Variants in KLHL2 observed in about 807,000 individuals in gnomAD.
KLHL2 encodes the protein kelch like family member 2.
Under a neutral mutation model 75.8 loss-of-function variants are expected in KLHL2, and 15 were observed. The observed-to-expected ratio is 0.20, with a 90% CI of 0.13 to 0.30. The LOEUF (loss-of-function observed/expected upper bound fraction) is 0.30, where lower values mean the gene tolerates loss of function less well. Among genes scored for constraint, KLHL2 ranks in the 10% least tolerant of loss-of-function variants. KLHL2 has a pLI of 1.00. For synonymous variants in KLHL2, 214 were observed against 251.9 expected (o/e 0.85, Z 1.42); for missense variants, 381 against 741.0 (o/e 0.51, Z 5.64).
chr4:165,291,450 C>T (rs1425856864), intron 5 of KLHL2, among the ~76,000 whole-genome samples: 2 of 152,090 alleles, frequency 1.3e-5, no homozygotes, highest in African/African-American at 4.8e-5. Flanking sequence ...CTTCTAGAAG[C>T]TAAATTTTGT....
intron 5 of KLHL2, among the ~76,000 whole-genome samples, chr4:165,263,610 T>G (rs1345353907): frequency 6.7e-6 from 1 of 149,390 alleles, no homozygotes. Flanking sequence ...GTTTTTTTGT[T>G]TTTTTTTTTT....
intron 5 of KLHL2, among the ~76,000 whole-genome samples, chr4:165,275,098 ATTTAT>A (rs201930063): frequency 0.22 from 32,716 of 146,560 alleles, 4,058 homozygotes; most frequent in Non-Finnish European, 0.29. Flanking sequence ...CTCCTGAAAG[ATTTAT>A]TTTATTTTAT....
chr4:165,299,440 T>C, intron 7 of KLHL2, 67 bp from the exon 8 acceptor site: 1 of 1,431,298 alleles, frequency 7.0e-7, no homozygotes, highest in South Asian at 1.5e-5. Flanking sequence ...CTTTACTTCT[T>C]TTTCTTTGGC....
intron 5 of KLHL2, among the ~76,000 whole-genome samples, chr4:165,277,631 C>T (rs1224749252): frequency 6.6e-6 from 1 of 152,104 alleles, no homozygotes; most frequent in Non-Finnish European, 1.5e-5. Context: ...ATGGAAGATT[C>T]CAATGGTGAG....
chr4:165,227,973 A>G (rs1738583935), intron 2 of KLHL2, among the ~76,000 whole-genome samples: 1 of 151,980 alleles, frequency 6.6e-6, no homozygotes, highest in South Asian at 2.1e-4. Context: ...TCTTGGCTGA[A>G]TGCAACCTCT....
intron 3 of KLHL2, among the ~76,000 whole-genome samples, chr4:165,236,434 C>G (rs1027203280): frequency 6.6e-5 from 10 of 152,122 alleles, no homozygotes; most frequent in Admixed American, 6.6e-4. Context: ...CCAGGCTAGT[C>G]TTGAACTCCT....
At chr4:165,313,041 T>C (rs1039325372) in intron 11 of KLHL2, among the ~76,000 whole-genome samples, 197 bp from the exon 12 acceptor site, 2 of 152,178 alleles carry the variant, frequency 1.3e-5, no homozygotes, top group African/African-American at 4.8e-5. Context: ...CTGCAGATCT[T>C]CATAACATGA....
intron 4 of KLHL2, among the ~76,000 whole-genome samples, chr4:165,254,445 C>CT (rs1740994429): frequency 6.6e-6 from 1 of 152,098 alleles, no homozygotes; most frequent in African/African-American, 2.4e-5. Flanking sequence ...ATTTTTTGGA[C>CT]TTTTTTCTCA....
intron 5 of KLHL2, chr4:165,279,787 C>G (rs1743516870): frequency 2.7e-6 from 2 of 732,132 alleles, no homozygotes; most frequent in Non-Finnish European, 5.0e-6. Context: ...GGCTGGCTAG[C>G]AGGCTACTGC....
At chr4:165,298,039 T>G (rs547930045) in intron 7 of KLHL2, among the ~76,000 whole-genome samples, 1 of 152,342 alleles carries the variant, frequency 6.6e-6, no homozygotes, top group South Asian at 2.1e-4. Flanking sequence ...GCCAGGCTGG[T>G]CTCGAACTCC....
In KLHL2 at chr4:165,318,158, A is replaced by G. The variant is rs144412357; in HGVS notation, c.1753+189A>G. Among the ~76,000 whole-genome samples, 146 of 152,360 alleles carry G rather than the reference A, an allele frequency of 9.6e-4. 1 individual carries two copies. The East Asian group carries it at 0.027, about 28-fold the overall frequency. ...AGCACCAGTATACTTTTGTCATTCT[A>G]CAGTCATTTGTATTCAAAATCCCAA... On this transcript the variant is annotated intron_variant, in intron 14 of 14. Transcript: ENST00000226725.
At chr4:165,208,647 G>A (rs751583444) in intron 1 of KLHL2, 3 of 151,628 alleles carry the variant, frequency 2.0e-5, no homozygotes, top group Non-Finnish European at 1.5e-5. Flanking sequence ...TCAGAACAAG[G>A]GTTTTTTTTT....
In KLHL2 at chr4:165,256,196, T is replaced by C. The variant is rs547133597; in HGVS notation, c.382-7001T>C. Among the ~76,000 whole-genome samples, 7 of 152,320 alleles carry C rather than the reference T, an allele frequency of 4.6e-5. No homozygotes were observed. The East Asian group carries it at 1.4e-3, about 29-fold the overall frequency. ...TTCTCATGCTCTACAGTGTCTTCTC[T>C]GATCAGTGGTGGCTTCTCCCCTCCG... is the stretch of plus-strand genomic sequence containing the variant. On this transcript the variant is annotated intron_variant, in intron 4 of 14. Transcript: ENST00000226725.
chr4:165,215,350 C>G, intron 1 of KLHL2, among the ~76,000 whole-genome samples: 1 of 152,152 alleles, frequency 6.6e-6, no homozygotes. Flanking sequence ...ATGGTTGACT[C>G]TGTACTTCTG....
rs1429136173 is a variant in KLHL2 at position 165,258,512 on chromosome 4, G to A, written c.382-4685G>A. On this transcript the variant is annotated intron_variant, in intron 4 of 14. Transcript: ENST00000226725. ...AAATTTCCATTAGATGGTGGCTGGGGGTTTATTGTATCAATGTAATTCTAC... is the reference window on the plus strand; with the variant it reads ...AAATTTCCATTAGATGGTGGCTGGGAGTTTATTGTATCAATGTAATTCTAC... Among the ~76,000 whole-genome samples, 4 of 152,056 alleles carry A rather than the reference G, an allele frequency of 2.6e-5. No homozygotes were observed. The East Asian group carries it at 7.7e-4, about 29-fold the overall frequency.
intron 4 of KLHL2, among the ~76,000 whole-genome samples, chr4:165,249,373 C>T (rs1740503168): frequency 6.6e-6 from 1 of 152,080 alleles, no homozygotes; most frequent in Non-Finnish European, 1.5e-5. Flanking sequence ...TTTACATTAT[C>T]CGGTGTGCAT....
At chr4:165,263,078 TG>T in intron 4 of KLHL2, 118 bp from the exon 5 acceptor site, 1 of 708,690 alleles carries the variant, frequency 1.4e-6, no homozygotes, top group Non-Finnish European at 2.4e-6. Context: ...CTAGGGAATA[TG>T]GGGGTATGGA....
chr4:165,233,292 C>T (rs1375562765), intron 3 of KLHL2, among the ~76,000 whole-genome samples: 1 of 152,136 alleles, frequency 6.6e-6, no homozygotes, highest in Non-Finnish European at 1.5e-5. Context: ...AAGAACATAC[C>T]AAATTGGGTT....
intron 5 of KLHL2, among the ~76,000 whole-genome samples, chr4:165,290,342 C>T (rs1276660853): frequency 1.3e-5 from 2 of 152,006 alleles, no homozygotes; most frequent in African/African-American, 4.8e-5. Flanking sequence ...ACTATGTTGG[C>T]CAGGCTGGTC....
Sources: gnomAD v4.1 joint callset for allele counts (sites outside exome capture counted in the v4.1 genomes callset) on GRCh38, gnomAD v4.1.1 for gene constraint, MANE v1.5 for transcripts, NCBI Gene and HGNC (gene_info 2026-07-23, HGNC 2026-07-21) for gene names.